RBFOX1: variants seen among roughly 807,000 people sequenced by gnomAD.
RBFOX1 encodes RNA binding protein fox-1 homolog 1.
RBFOX1 carries 8 observed loss-of-function variants against 57.7 expected under a neutral mutation model. That is an observed-to-expected ratio of 0.14 (90% CI 0.08 to 0.25). The LOEUF (loss-of-function observed/expected upper bound fraction) is 0.25. RBFOX1 is among the 10% of genes least tolerant of loss of function. RBFOX1 has a pLI of 1.00. For missense variants in RBFOX1, 611 were observed against 548.5 expected (o/e 1.11, Z -1.14); for synonymous variants, 326 against 222.4 (o/e 1.47, Z -4.15).
chr16:7,421,845 A>T (rs2098545742), intron 4 of RBFOX1, among the ~76,000 whole-genome samples: 1 of 152,260 alleles, frequency 6.6e-6, no homozygotes, highest in Non-Finnish European at 1.5e-5. Flanking sequence ...AGGGCATGCA[A>T]ATAGAGAGTG....
intron 3 of RBFOX1, among the ~76,000 whole-genome samples, chr16:5,613,280 C>T (rs1053315540): frequency 1.3e-5 from 2 of 152,214 alleles, no homozygotes; most frequent in African/African-American, 2.4e-5. Context: ...ACACATATGC[C>T]TGCAGTATCT....
intron 3 of RBFOX1, among the ~76,000 whole-genome samples, chr16:6,910,622 C>T (rs1233207428): frequency 3.3e-5 from 5 of 152,172 alleles, no homozygotes; most frequent in African/African-American, 1.2e-4. Flanking sequence ...TGGGAGAAGG[C>T]AGTTTCCCAT....
chr16:7,396,471 G>A (rs8050740), intron 4 of RBFOX1, among the ~76,000 whole-genome samples: 32,303 of 151,588 alleles, frequency 0.21, 3,538 homozygotes, highest in South Asian at 0.29. Context: ...CCATTTCTGC[G>A]CTTCCCTACA....
At chr16:6,442,334 G>C (rs368225308) in intron 2 of RBFOX1, among the ~76,000 whole-genome samples, 2 of 152,136 alleles carry the variant, frequency 1.3e-5, no homozygotes, top group African/African-American at 2.4e-5. Context: ...AAGGTGGGTG[G>C]ATCACGAGGT....
At chr16:5,985,621 G>C (rs1409918084) in intron 4 of RBFOX1, among the ~76,000 whole-genome samples, 1 of 152,166 alleles carries the variant, frequency 6.6e-6, no homozygotes, top group Non-Finnish European at 1.5e-5. Context: ...CCAGGGGAGG[G>C]GGAGCACCTG....
chr16:5,380,466 T>C (rs1402868049), intron 1 of RBFOX1, among the ~76,000 whole-genome samples: 1 of 152,182 alleles, frequency 6.6e-6, no homozygotes, highest in East Asian at 1.9e-4. Context: ...TTATACTAAA[T>C]GTGCACTTGT....
intron 3 of RBFOX1, among the ~76,000 whole-genome samples, chr16:6,876,550 G>A (rs916773860): frequency 6.6e-6 from 1 of 152,064 alleles, no homozygotes; most frequent in Non-Finnish European, 1.5e-5. Flanking sequence ...AAAAAATTAA[G>A]TCACTTCTAT....
intron 4 of RBFOX1, among the ~76,000 whole-genome samples, chr16:7,220,208 C>T (rs1185880181): frequency 6.6e-6 from 1 of 152,192 alleles, no homozygotes; most frequent in Non-Finnish European, 1.5e-5. Flanking sequence ...CATTAGCAGA[C>T]AGCATGCTCT....
intron 4 of RBFOX1, among the ~76,000 whole-genome samples, chr16:5,897,016 C>A (rs1421087705): frequency 3.5e-5 from 2 of 56,468 alleles, no homozygotes; most frequent in Non-Finnish European, 6.1e-5. Context: ...TATCCATCCG[C>A]TTTTTTTTTT....
In RBFOX1 at chr16:5,360,337, T is replaced by A. The variant is rs546136461; in HGVS notation, c.220-106879T>A. 4.6e-5 allele frequency among the ~76,000 whole-genome samples: 7 copies of A among 152,308 alleles called. No individual in the cohort carries two copies. In the South Asian group the frequency reaches 1.2e-3, roughly 27 times the overall value. ...CCAGGGCCCTTCTGCTGAGGGAGTA[T>A]ATCAGCGCCAGGCAGCTCTGCCTAT... On this transcript the variant is annotated intron_variant, in intron 1 of 2. Coordinates refer to the RBFOX1 transcript ENST00000585867.
chr16:6,686,940 A>G (rs937868137), intron 3 of RBFOX1, among the ~76,000 whole-genome samples: 1 of 152,230 alleles, frequency 6.6e-6, no homozygotes, highest in Non-Finnish European at 1.5e-5. Context: ...GTGTATATAG[A>G]TTCTGCTCGT....
intron 4 of RBFOX1, among the ~76,000 whole-genome samples, chr16:7,310,291 G>A (rs1406083096): frequency 6.6e-6 from 1 of 152,176 alleles, no homozygotes; most frequent in Non-Finnish European, 1.5e-5. Context: ...TTGTGTGGTT[G>A]GAATGTCCTG....
At chr16:6,618,813 G>A (rs781535964) in intron 2 of RBFOX1, among the ~76,000 whole-genome samples, 1 of 152,140 alleles carries the variant, frequency 6.6e-6, no homozygotes, top group Non-Finnish European at 1.5e-5. Flanking sequence ...GCGTGCCTGT[G>A]CAACTGCACC....
intron 3 of RBFOX1, among the ~76,000 whole-genome samples, chr16:5,636,708 T>A (rs1271566968): frequency 1.3e-5 from 2 of 152,172 alleles, no homozygotes; most frequent in Non-Finnish European, 2.9e-5. Flanking sequence ...GGAAGGGCCA[T>A]CTAGGGAACT....
intron 3 of RBFOX1, among the ~76,000 whole-genome samples, chr16:5,805,535 T>A (rs1048149771): frequency 6.6e-6 from 1 of 152,164 alleles, no homozygotes; most frequent in Middle Eastern, 3.2e-3. Flanking sequence ...ACAGAAGACA[T>A]GTATTGATGG....
At chr16:5,654,591 C>T (rs1239090303) in intron 3 of RBFOX1, among the ~76,000 whole-genome samples, 1 of 152,102 alleles carries the variant, frequency 6.6e-6, no homozygotes, top group Non-Finnish European at 1.5e-5. Context: ...TGAAAACACC[C>T]TGTTCGTTTC....
intron 4 of RBFOX1, among the ~76,000 whole-genome samples, chr16:5,971,130 A>C (rs886799282): frequency 6.6e-6 from 1 of 152,202 alleles, no homozygotes; most frequent in Non-Finnish European, 1.5e-5. Context: ...CAACACGTTT[A>C]TTGAGGATCT....
intron 3 of RBFOX1, among the ~76,000 whole-genome samples, chr16:5,744,956 T>TA (rs1029381339): frequency 4.6e-5 from 7 of 152,082 alleles, no homozygotes; most frequent in African/African-American, 1.7e-4. Flanking sequence ...TATTTTTTTT[T>TA]ATTATACTTT....
chr16:6,328,420 A>G (rs2082627522), intron 2 of RBFOX1, among the ~76,000 whole-genome samples: 1 of 152,286 alleles, frequency 6.6e-6, no homozygotes, highest in East Asian at 1.9e-4. Flanking sequence ...TTCCCCCCAA[A>G]AACCGATGGT....
Sources: gnomAD v4.1 joint callset for allele counts (sites outside exome capture counted in the v4.1 genomes callset) on GRCh38, gnomAD v4.1.1 for gene constraint, MANE v1.5 for transcripts, NCBI Gene and HGNC (gene_info 2026-07-23, HGNC 2026-07-21) for gene names.